Variants in COL22A1 observed in about 807,000 individuals in gnomAD.
COL22A1 encodes the protein collagen alpha-1(XXII) chain.
Under a neutral mutation model 248.9 loss-of-function variants are expected in COL22A1, and 221 were observed. The observed-to-expected ratio is 0.89, with a 90% CI of 0.80 to 0.99. The LOEUF is 0.99. Among genes scored for constraint, COL22A1 ranks in the 50% least tolerant of loss-of-function variants. The pLI is 0.00. For synonymous variants in COL22A1, 891 were observed against 793.4 expected, an observed-to-expected ratio of 1.12 and a Z score of -2.07; for missense variants, 2,240 against 2,179.0, an observed-to-expected ratio of 1.03 and a Z score of -0.56.
At position 138,589,278 on chromosome 8, in the gene COL22A1, C is replaced by A. The variant is rs765975398; in HGVS notation, c.4856G>T (p.Arg1619Leu). Residue 1619 changes from arginine (R) to leucine (L), a missense_variant, in exon 65 of 65, where the codon CGG becomes CTG. Coordinates refer to ENST00000303045, the MANE Select transcript of COL22A1 (RefSeq NM_152888.3). ...TTAGGGACCCTTCACATTACCCGGC[C>A]GGGCAGCAAGGCTGGCGAAGTAGGC... ...QCAYFASLAA[R>L]PGNVKGP is the part of the protein sequence containing the mutation. 6.2e-7 allele frequency: 1 copy of A among 1,613,854 alleles called. No individual in the cohort carries two copies. Among genetic ancestry groups the A allele is most frequent in the South Asian group, 1.1e-5 (1 of 91,058 alleles).
chr8:138,868,289 G>A (rs1034055668), intron 3 of COL22A1, among the ~76,000 whole-genome samples: 2 of 152,188 alleles, frequency 1.3e-5, no homozygotes, highest in Admixed American at 1.3e-4. Flanking sequence ...GGTTCTCAAA[G>A]CGGGCAACAT....
intron 12 of COL22A1, among the ~76,000 whole-genome samples, chr8:138,784,722 C>T (rs1334376688): frequency 6.6e-6 from 1 of 152,138 alleles, no homozygotes; most frequent in Non-Finnish European, 1.5e-5. Context: ...ACTTTACATC[C>T]ATCACTGCAT....
At chr8:138,749,234 G>A (rs1313527400) in intron 22 of COL22A1, among the ~76,000 whole-genome samples, 1 of 152,044 alleles carries the variant, frequency 6.6e-6, no homozygotes, top group East Asian at 1.9e-4. Flanking sequence ...CACAGTCTTG[G>A]GTATGTCTTT....
At chr8:138,873,457 A>T (rs997016951) in intron 3 of COL22A1, among the ~76,000 whole-genome samples, 1 of 152,130 alleles carries the variant, frequency 6.6e-6, no homozygotes, top group Non-Finnish European at 1.5e-5. Context: ...CCTTTAAACA[A>T]TATTTAGGAG....
At chr8:138,692,004 G>A (rs1827019732) in intron 35 of COL22A1, among the ~76,000 whole-genome samples, 1 of 149,098 alleles carries the variant, frequency 6.7e-6, no homozygotes, top group Non-Finnish European at 1.5e-5. Context: ...GTGCATGTGT[G>A]CATGTTTCTG....
At chr8:138,643,251 C>T (rs777630462) in intron 47 of COL22A1, among the ~76,000 whole-genome samples, 4 of 152,226 alleles carry the variant, frequency 2.6e-5, no homozygotes, top group South Asian at 2.1e-4. Flanking sequence ...AACACTGCCC[C>T]GGGCAAATCT....
intron 11 of COL22A1, among the ~76,000 whole-genome samples, chr8:138,800,526 G>A (rs899192475): frequency 6.6e-6 from 1 of 152,196 alleles, no homozygotes; most frequent in African/African-American, 2.4e-5. Flanking sequence ...AGCTCAGAAA[G>A]TTCTAGCGAC....
At position 138,755,771 on chromosome 8, in the gene COL22A1, C is replaced by A; in HGVS notation, c.1947+14G>T. ...CAGCACCTGCATCCATGATTCCAAC[C>A]ACTGCTGACTCACCACTGAGCCTGG... On this transcript the variant is annotated intron_variant, in intron 19 of 64. Transcript: ENST00000303045. 1 of 1,613,920 alleles carries A rather than the reference C, an allele frequency of 6.2e-7. No homozygotes were observed. Among genetic ancestry groups the A allele is most frequent in the Non-Finnish European group, 8.5e-7 (1 of 1,179,796 alleles).
At chr8:138,882,671 CACACTCCCAT>C (rs1824321026) in intron 2 of COL22A1, among the ~76,000 whole-genome samples, 1 of 151,486 alleles carries the variant, frequency 6.6e-6, no homozygotes, top group Non-Finnish European at 1.5e-5. Flanking sequence ...CCCTCAAACT[CACACTCCCAT>C]ACACTCCCAC....
chr8:138,884,688 A>G (rs575523734), intron 1 of COL22A1, among the ~76,000 whole-genome samples: 16 of 152,156 alleles, frequency 1.1e-4, no homozygotes, highest in Non-Finnish European at 2.2e-4. Flanking sequence ...TGGCATGTCC[A>G]CTGCAGCTTG....
intron 26 of COL22A1, 145 bp from the exon 27 acceptor site, chr8:138,720,937 C>G: frequency 1.4e-6 from 1 of 719,238 alleles, no homozygotes; most frequent in East Asian, 2.5e-5. Context: ...TACCTAACCA[C>G]AGTCATCAAA....
At chr8:138,797,922 ATTT>A (rs946820914) in intron 11 of COL22A1, among the ~76,000 whole-genome samples, 1 of 151,440 alleles carries the variant, frequency 6.6e-6, no homozygotes, top group African/African-American at 2.4e-5. Flanking sequence ...CCCTTTATTG[ATTT>A]TTTTGGTTTA....
intron 18 of COL22A1, among the ~76,000 whole-genome samples, chr8:138,758,536 T>G (rs1833210906): frequency 6.6e-6 from 1 of 152,220 alleles, no homozygotes; most frequent in African/African-American, 2.4e-5. Context: ...TAGGCCTTGG[T>G]CAATAATCAG....
intron 22 of COL22A1, among the ~76,000 whole-genome samples, chr8:138,743,253 T>G (rs1317175249): frequency 2.6e-5 from 4 of 151,702 alleles, no homozygotes; most frequent in Non-Finnish European, 5.9e-5. Context: ...GAGTTGATGG[T>G]GATGGTGGTA....
intron 6 of COL22A1, among the ~76,000 whole-genome samples, chr8:138,823,818 C>G (rs1192027752): frequency 2.6e-5 from 4 of 152,208 alleles, no homozygotes; most frequent in African/African-American, 9.6e-5. Flanking sequence ...CATTTTCTCT[C>G]TTCATCTCTG....
intron 1 of COL22A1, among the ~76,000 whole-genome samples, chr8:138,887,204 C>T (rs939605096): frequency 6.6e-6 from 1 of 151,920 alleles, no homozygotes; most frequent in Non-Finnish European, 1.5e-5. Flanking sequence ...CCCTCACTAT[C>T]CTTCCCAGAC....
chr8:138,881,730 G>A (rs1412681727), intron 2 of COL22A1, among the ~76,000 whole-genome samples: 4 of 152,198 alleles, frequency 2.6e-5, no homozygotes, highest in Non-Finnish European at 5.9e-5. Context: ...GATGGGCTCA[G>A]CGTTTTGCTT....
At chr8:138,844,778 G>T (rs537165549) in intron 3 of COL22A1, among the ~76,000 whole-genome samples, 213 of 151,982 alleles carry the variant, frequency 1.4e-3, no homozygotes, top group African/African-American at 4.9e-3. Context: ...GTGAAACCCC[G>T]TCTCTACTAA....
In COL22A1 at chr8:138,741,146, T is replaced by C. The variant is rs116053870; in HGVS notation, c.2086-3569A>G. 5.2e-3 allele frequency among the ~76,000 whole-genome samples: 799 copies of C among 152,332 alleles called. 4 individuals are homozygous for C. Among genetic ancestry groups the C allele is most frequent in the African/African-American group, 0.019 (772 of 41,574 alleles). On this transcript the variant is annotated intron_variant, in intron 22 of 64. Coordinates refer to ENST00000303045, the MANE Select transcript of COL22A1 (RefSeq NM_152888.3). ...CTTCTGATGCCTGAGACGTTGCCATTCTGCTCCCTCTGTCTGTAATCCTCC... is the reference window on the plus strand; with the variant it reads ...CTTCTGATGCCTGAGACGTTGCCATCCTGCTCCCTCTGTCTGTAATCCTCC...
Sources: allele counts gnomAD v4.1 joint callset (sites outside exome capture counted in the v4.1 genomes callset), GRCh38; gene constraint gnomAD v4.1.1; transcripts MANE v1.5; gene names NCBI Gene and HGNC (gene_info 2026-07-23, HGNC 2026-07-21).